LOXHD1: variants seen among roughly 807,000 people sequenced by gnomAD.
LOXHD1 encodes lipoxygenase homology PLAT domains 1.
A neutral mutation model predicts 248.2 loss-of-function variants in LOXHD1; 205 were observed. The observed-to-expected ratio is 0.83, with a 90% CI of 0.74 to 0.93. The LOEUF (loss-of-function observed/expected upper bound fraction) is 0.93, where lower values mean the gene tolerates loss of function less well. LOXHD1 is among the 40% of genes least tolerant of loss of function. The pLI is 0.00. For synonymous variants in LOXHD1, 1,113 were observed against 1,162.8 expected (o/e 0.96, Z 0.87); for missense variants, 2,930 against 2,971.6 (o/e 0.99, Z 0.33).
chr18:46,604,333 A>C, intron 6 of LOXHD1, 104 bp from the exon 7 acceptor site: 6 of 1,437,176 alleles, frequency 4.2e-6, no homozygotes, highest in Non-Finnish European at 4.7e-6. Flanking sequence ...TTAAGAATGT[A>C]CTGATATCTG....
chr18:46,485,708 GA>G (rs1015266764), intron 38 of LOXHD1, among the ~76,000 whole-genome samples: 2 of 152,182 alleles, frequency 1.3e-5, no homozygotes, highest in African/African-American at 4.8e-5. Flanking sequence ...GGTGACACTA[GA>G]ACTCAATCTC....
intron 12 of LOXHD1, among the ~76,000 whole-genome samples, chr18:46,587,125 T>C (rs2038076856): frequency 1.3e-5 from 2 of 152,236 alleles, no homozygotes. Flanking sequence ...GCACCTGAAA[T>C]TTAACCATCA....
chr18:46,556,882 C>T (rs1299935261), intron 21 of LOXHD1: 2 of 245,256 alleles, frequency 8.2e-6, no homozygotes, highest in African/African-American at 2.4e-5. Flanking sequence ...GCCACTCTGA[C>T]CTTCCAGTGT....
Position 46,545,425 on chromosome 18 carries a change from C to T in LOXHD1, c.3515-4G>A, listed in dbSNP as rs1165051728. On this transcript the variant is annotated splice_region_variant and splice_polypyrimidine_tract_variant and intron_variant, in intron 22 of 40. Coordinates refer to ENST00000642948, the MANE Select transcript of LOXHD1 (RefSeq NM_001384474.1). ...ACTGAGAATGTGGTAGATTTATCTG[C>T]CAAGAGAATAGTATAGAGCAATGAA... 1.9e-5 allele frequency: 29 copies of T among 1,544,786 alleles called. No individual in the cohort carries two copies. Among genetic ancestry groups the T allele is most frequent in the Non-Finnish European group, 2.5e-5 (28 of 1,140,638 alleles).
intron 4 of LOXHD1, among the ~76,000 whole-genome samples, chr18:46,629,148 C>T (rs2038785861): frequency 6.6e-6 from 1 of 152,140 alleles, no homozygotes; most frequent in South Asian, 2.1e-4. Context: ...CCTGAAAAGA[C>T]TCCAAGAGAC....
intron 3 of LOXHD1, among the ~76,000 whole-genome samples, chr18:46,640,393 A>G (rs985506942): frequency 1.2e-4 from 19 of 152,212 alleles, no homozygotes; most frequent in Non-Finnish European, 2.4e-4. Context: ...CTGGACAACA[A>G]GCAGATACTC....
At chr18:46,564,367 T>TAAAATA (rs1280215455) in intron 17 of LOXHD1, among the ~76,000 whole-genome samples, 2 of 151,624 alleles carry the variant, frequency 1.3e-5, no homozygotes, top group South Asian at 4.2e-4. Context: ...TCTACAAAAA[T>TAAAATA]AAAATAAAAA....
At chr18:46,547,192 T>G (rs759172381) in intron 21 of LOXHD1, 134 bp from the exon 22 acceptor site, 8 of 1,020,156 alleles carry the variant, frequency 7.8e-6, no homozygotes, top group Non-Finnish European at 1.2e-5. Context: ...AGCATTGCCC[T>G]GCTATTCTAC....
At chr18:46,629,448 C>T (rs1157089885) in intron 4 of LOXHD1, among the ~76,000 whole-genome samples, 3 of 152,198 alleles carry the variant, frequency 2.0e-5, no homozygotes, top group African/African-American at 7.2e-5. Context: ...TGCATTTGCA[C>T]TATGCAGTCC....
chr18:46,654,953 C>T (rs1172411160), intron 1 of LOXHD1, among the ~76,000 whole-genome samples: 2 of 152,296 alleles, frequency 1.3e-5, no homozygotes, highest in African/African-American at 4.8e-5. Context: ...GATTCAAATC[C>T]TAACTCTGCT....
At chr18:46,592,703 G>C (rs2038194015) in intron 10 of LOXHD1, 119 bp from the exon 11 acceptor site, 1 of 815,920 alleles carries the variant, frequency 1.2e-6, no homozygotes. Context: ...AGTGAGGATG[G>C]GTTTGCTTCA....
chr18:46,589,796 G>A (rs1298876740), intron 12 of LOXHD1, among the ~76,000 whole-genome samples: 1 of 152,070 alleles, frequency 6.6e-6, no homozygotes, highest in East Asian at 1.9e-4. Flanking sequence ...GCCTTTAAAG[G>A]AGTAAAGTAA....
intron 29 of LOXHD1, among the ~76,000 whole-genome samples, chr18:46,525,432 T>G (rs905897120): frequency 6.6e-6 from 1 of 151,910 alleles, no homozygotes; most frequent in African/African-American, 2.4e-5. Context: ...AAGTCTGGGC[T>G]GCAGGAGAGG....
In LOXHD1 at chr18:46,562,892, C is replaced by T. The variant is rs1035012314; in HGVS notation, c.2598+173G>A. ...GGGAATCACTGATCTAGTCCAATCCCCTCATTTTAGGCCGAAAGCTCAGGT... is the reference window on the plus strand; with the variant it reads ...GGGAATCACTGATCTAGTCCAATCCTCTCATTTTAGGCCGAAAGCTCAGGT... On this transcript the variant is annotated intron_variant, in intron 18 of 40. Transcript: ENST00000642948. Among the ~76,000 whole-genome samples, 5 of 152,252 alleles carry T rather than the reference C, an allele frequency of 3.3e-5. No individual in the cohort carries two copies. In the East Asian group the frequency reaches 9.6e-4, roughly 29 times the overall value.
At chr18:46,648,693 C>T (rs2039066047) in intron 2 of LOXHD1, among the ~76,000 whole-genome samples, 1 of 152,214 alleles carries the variant, frequency 6.6e-6, no homozygotes, top group Non-Finnish European at 1.5e-5. Context: ...CAAGCAATCC[C>T]TGCGGCTAGC....
chr18:46,649,776 G>A (rs1374611352), intron 1 of LOXHD1, among the ~76,000 whole-genome samples: 3 of 152,098 alleles, frequency 2.0e-5, no homozygotes, highest in Non-Finnish European at 4.4e-5. Flanking sequence ...TCCTTCTTTG[G>A]CAGGGGCTCT....
At chr18:46,505,558 G>A (rs1007384618) in intron 37 of LOXHD1, among the ~76,000 whole-genome samples, 9 of 152,144 alleles carry the variant, frequency 5.9e-5, no homozygotes, top group African/African-American at 2.2e-4. Flanking sequence ...TTTAAAGCCT[G>A]AACTAAGTCA....
intron 37 of LOXHD1, among the ~76,000 whole-genome samples, chr18:46,499,793 T>C (rs2034110286): frequency 6.6e-6 from 1 of 152,174 alleles, no homozygotes; most frequent in African/African-American, 2.4e-5. Context: ...GTGGCTTAAA[T>C]ATTTGGCTGT....
At chr18:46,585,877 G>T (rs7244302) in intron 12 of LOXHD1, among the ~76,000 whole-genome samples, 1 of 152,136 alleles carries the variant, frequency 6.6e-6, no homozygotes, top group African/African-American at 2.4e-5. Flanking sequence ...GTGAACCAAA[G>T]AGCTACCAAA....
Sources: allele counts gnomAD v4.1 joint callset (sites outside exome capture counted in the v4.1 genomes callset), GRCh38; gene constraint gnomAD v4.1.1; transcripts MANE v1.5; gene names NCBI Gene and HGNC (gene_info 2026-07-23, HGNC 2026-07-21).